TRRAP: variants seen among roughly 807,000 people sequenced by gnomAD.
TRRAP encodes the protein transformation/transcription domain associated protein.
In TRRAP, 41 loss-of-function variants were observed where a neutral mutation model predicts 438.8. The ratio of observed to expected loss-of-function variants is 0.09; its 90% CI spans 0.07 to 0.12. The LOEUF is 0.12. TRRAP is among the 10% of genes least tolerant of loss of function. The pLI, the probability that TRRAP is intolerant of heterozygous loss-of-function variation, is 1.00. For synonymous variants in TRRAP, 1,994 were observed against 1,962.9 expected (o/e 1.02, Z -0.42); for missense variants, 3,122 against 5,055.1 (o/e 0.62, Z 11.60).
chr7:98,917,403 A>AGCT lies in TRRAP; in HGVS notation c.2366-17_2366-15dup, dbSNP rs1554409685. ...CTGGGGAGCGTCTTCCCTCTCTGAT[A>AGCT]GCTGCACCCCCTTCCCTAGGGCTGA... On this transcript the variant is annotated intron_variant, in intron 19 of 72. Transcript: ENST00000456197. 1.9e-6 allele frequency: 3 copies of AGCT among 1,608,930 alleles called. No homozygotes were observed. The highest frequency in any genetic ancestry group is 3.3e-5 in the Admixed American group (2 of 59,856).
intron 27 of TRRAP, among the ~76,000 whole-genome samples, chr7:98,934,106 G>C (rs1790448129): frequency 6.6e-6 from 1 of 152,168 alleles, no homozygotes; most frequent in Non-Finnish European, 1.5e-5. Flanking sequence ...CCAGTGTGGG[G>C]TGCTATTAGT....
chr7:98,910,217 T>TCCCCCCCCCCCCCCCCCCCCCCCCCCC lies in TRRAP; in HGVS notation c.1512_1513insCCCCCCCCCCCCCCCCCCCCCCCCCCC (p.Pro504_Ala505insProProProProProProProProPro). ...CTGCTCCCTCCCCAGCCCCTGTCCCTGCCCCACCTCCACCCCCGCCCCCAC... is the reference window on the plus strand; with the variant it reads ...CTGCTCCCTCCCCAGCCCCTGTCCCTCCCCCCCCCCCCCCCCCCCCCCCCCCCGCCCCACCTCCACCCCCGCCCCCAC... On this transcript the variant is annotated inframe_insertion, in exon 15 of 73. Transcript: ENST00000456197. The TCCCCCCCCCCCCCCCCCCCCCCCCCCC allele has an allele frequency of 9.6e-7, 1 of 1,045,586 alleles. No individual in the cohort carries two copies. Among genetic ancestry groups the TCCCCCCCCCCCCCCCCCCCCCCCCCCC allele is most frequent in the Non-Finnish European group, 1.2e-6 (1 of 806,028 alleles). 64.8% of individuals were successfully genotyped at this position (1,045,586 alleles called of 1,614,324 possible). A position where few individuals can be genotyped will look rare whatever the true frequency, so the allele number is the denominator to read the frequency against.
intron 60 of TRRAP, 104 bp from the exon 61 acceptor site, chr7:98,983,989 C>A: frequency 7.2e-7 from 1 of 1,392,318 alleles, no homozygotes; most frequent in Non-Finnish European, 9.5e-7. Context: ...TGCCCATTTT[C>A]ATAAGCCATG....
rs12669231 is a variant in TRRAP, at chr7:98,905,644, G to A, written c.1037-533G>A. ...AGGAATAGAGCAAGAGAGGAACCCC[G>A]GTGGGGATTCTGATGAGCATCATCC... On this transcript the variant is annotated intron_variant, in intron 12 of 72. Transcript: ENST00000456197. 1.5e-4 allele frequency among the ~76,000 whole-genome samples: 23 copies of A among 152,348 alleles called. No individual in the cohort carries two copies. In the East Asian group the frequency reaches 1.5e-3, roughly 10 times the overall value.
rs57974063 is a variant in TRRAP, at chr7:98,989,157, A to G, written c.9591+191A>G. The stretch of plus-strand genomic sequence containing the variant: ...AAGCTGAGAAAACTGAGGCCTGGAC[A>G]CTCTTAGGGCCCCAGAACTTCCAAG... On this transcript the variant is annotated intron_variant, in intron 63 of 72. Coordinates refer to ENST00000456197, the MANE Select transcript of TRRAP (RefSeq NM_001375524.1). 3.1e-3 allele frequency among the ~76,000 whole-genome samples: 470 copies of G among 152,250 alleles called. 2 individuals are homozygous for G. Among genetic ancestry groups the G allele is most frequent in the African/African-American group, 0.011 (460 of 41,538 alleles).
chr7:98,994,658 C>T lies in TRRAP; in HGVS notation c.10119C>T (p.Ser3373=), dbSNP rs1355547491. ...SVAFEKSGAV[S]DAKITPHTLN... is the part of the protein sequence containing the mutation. ...CGTTTGAGAAAAGTGGAGCGGTGTC[C>T]GATGCTAAAATCACCCCCCACACTC... The change falls in exon 67 of 73, where the codon TCC becomes TCT. Residue 3373 remains serine, a synonymous_variant. Coordinates refer to ENST00000456197, the MANE Select transcript of TRRAP (RefSeq NM_001375524.1). This position sits in a 1 kb window ranked among gnomAD's most constrained non-coding sequence, Gnocchi z 4.8. The T allele has an allele frequency of 1.5e-5, 25 of 1,614,050 alleles. No homozygotes were observed. The highest frequency in any genetic ancestry group is 6.7e-5 in the African/African-American group (5 of 74,906).
Position 98,886,608 on chromosome 7 carries a change from A to G in TRRAP, c.151-3727A>G, listed in dbSNP as rs528869828. Among the ~76,000 whole-genome samples, 4 of 152,336 alleles carry G rather than the reference A, an allele frequency of 2.6e-5. No homozygotes were observed. In the East Asian group the frequency reaches 7.7e-4, roughly 29 times the overall value. On this transcript the variant is annotated intron_variant, in intron 3 of 72. Coordinates refer to ENST00000456197, the MANE Select transcript of TRRAP (RefSeq NM_001375524.1). ...ATCTGTGTATCAACATTTACCTTAA[A>G]TGAAATTCAGATGACTGAATTCTTC...
chr7:98,932,436 ATTTCT>A (rs1172429615), intron 26 of TRRAP, among the ~76,000 whole-genome samples: 1 of 152,020 alleles, frequency 6.6e-6, no homozygotes, highest in East Asian at 1.9e-4. Flanking sequence ...TTTTAAAATT[ATTTCT>A]TTTCTTTAAG....
chr7:98,986,154 T>C lies in TRRAP; in HGVS notation c.9389+1110T>C, dbSNP rs1336879238. ...TTTTTCATGGCTGAATAATATTCCA[T>C]TGGATATCCATACATTTTGTTTATC... On this transcript the variant is annotated intron_variant, in intron 62 of 72. Coordinates refer to ENST00000456197, the MANE Select transcript of TRRAP (RefSeq NM_001375524.1). Among the ~76,000 whole-genome samples the C allele has an allele frequency of 2.0e-5, 3 of 149,834 alleles. No homozygotes were observed. In the East Asian group the frequency reaches 5.8e-4, roughly 29 times the overall value.
At chr7:98,982,083 T>A in intron 59 of TRRAP, 123 bp downstream of exon 59, 4 of 1,007,138 alleles carry the variant, frequency 4.0e-6, no homozygotes, top group Non-Finnish European at 5.4e-6. Context: ...GCTTGTCTTG[T>A]CCTCTCCCAC....
In TRRAP at chr7:98,921,889, A is replaced by G. The variant is rs1789812683; in HGVS notation, c.2759A>G (p.Gln920Arg). The change falls in exon 21 of 73, where the codon CAG (glutamine) becomes CGG (arginine). Residue 920 changes from glutamine (Q) to arginine (R), a missense_variant. Around this residue, in one of 24 missense-constraint regions of TRRAP, gnomAD observed 133 missense variants for 188.6 expected, o/e 0.71. Coordinates refer to ENST00000456197, the MANE Select transcript of TRRAP (RefSeq NM_001375524.1). ...QKLHYVVTEV[Q>R]GPSITVEFSD... ...CTGCACTACGTTGTGACCGAGGTTC[A>G]GGGCCCCAGCATCACTGTGGAGTTT... 1 of 1,614,262 alleles carries G rather than the reference A, an allele frequency of 6.2e-7. No homozygotes were observed. Among genetic ancestry groups the G allele is most frequent in the Non-Finnish European group, 8.5e-7 (1 of 1,180,050 alleles).
intron 7 of TRRAP, 60 bp from the exon 8 acceptor site, chr7:98,897,673 TTTGTTTTG>T (rs1796277361): frequency 2.1e-6 from 3 of 1,442,322 alleles, no homozygotes; most frequent in Non-Finnish European, 2.8e-6. Flanking sequence ...TTTGTTTTGT[TTTGTTTTG>T]TTTTTGAATG....
At chr7:98,984,070 T>C in intron 60 of TRRAP, 23 bp from the exon 61 acceptor site, 1 of 1,561,692 alleles carries the variant, frequency 6.4e-7, no homozygotes. Flanking sequence ...TGTGGGCTAA[T>C]GATTCCTTTC....
intron 12 of TRRAP, among the ~76,000 whole-genome samples, chr7:98,905,774 A>G (rs1554407430): frequency 6.6e-6 from 1 of 152,216 alleles, no homozygotes; most frequent in Non-Finnish European, 1.5e-5. Context: ...TCTTCTCAAT[A>G]TGCTTCAGGG....
Position 99,005,334 on chromosome 7 carries a change from A to C in TRRAP, c.10739A>C (p.His3580Pro), listed in dbSNP as rs775630238. The change falls in exon 69 of 73, where the codon CAC becomes CCC. Residue 3580 changes from histidine (H) to proline (P), a missense_variant. Coordinates refer to ENST00000456197, the MANE Select transcript of TRRAP (RefSeq NM_001375524.1). The surrounding 1 kb of genome is among the most constrained non-coding windows in gnomAD (Gnocchi z 5.1). ...AAGAGAAAGGAGACCACCAAGAGGC[A>C]CTTGTTTTTCACAGGTAGGGTTGAG... Reference protein sequence around the residue: ...LEKRKETTKRHLFFTVPRVVA... With the variant: ...LEKRKETTKRPLFFTVPRVVA... 6.2e-7 allele frequency: 1 copy of C among 1,614,016 alleles called. No homozygotes were observed. The highest frequency in any genetic ancestry group is 8.5e-7 in the Non-Finnish European group (1 of 1,180,038).
chr7:98,916,041 C>CCCCTGG (rs1393974693), intron 19 of TRRAP, among the ~76,000 whole-genome samples, 153 bp downstream of exon 19: 4 of 151,740 alleles, frequency 2.6e-5, no homozygotes, highest in African/African-American at 9.7e-5. Context: ...CTGCCCCCCT[C>CCCCTGG]CCCTGGCCCT....
chr7:99,005,582 G>A lies in TRRAP; in HGVS notation c.10753+234G>A, dbSNP rs997743646. On this transcript the variant is annotated intron_variant, in intron 69 of 72. Coordinates refer to ENST00000456197, the MANE Select transcript of TRRAP (RefSeq NM_001375524.1). This position sits in a 1 kb window ranked among gnomAD's most constrained non-coding sequence, Gnocchi z 5.1. ...GCTGTGTCCACCTTTCCTCTAAGGC[G>A]AGCTTGTCCAACCTGCGGGCTCCAT... is the stretch of plus-strand genomic sequence containing the variant. Among the ~76,000 whole-genome samples, 7 of 152,332 alleles carry A rather than the reference G, an allele frequency of 4.6e-5. No individual in the cohort carries two copies. The highest frequency in any genetic ancestry group is 1.9e-4 in the East Asian group (1 of 5,186).
chr7:98,929,706 G>A (rs1562946503), intron 23 of TRRAP, among the ~76,000 whole-genome samples: 1 of 151,710 alleles, frequency 6.6e-6, no homozygotes, highest in Admixed American at 6.6e-5. Context: ...TGATTCTCCC[G>A]CCTCAGCCTC....
Position 99,012,047 on chromosome 7 carries a change from C to T in TRRAP, c.11338-24C>T, listed in dbSNP as rs377726491. The T allele has an allele frequency of 3.9e-5, 62 of 1,606,574 alleles. No individual in the cohort carries two copies. The African/African-American group carries it at 6.5e-4, about 17-fold the overall frequency. Reference sequence around the variant, plus strand: ...GGGCTGTTCTTGGTTAAACACAAGTCGTCTCGTTCTCTCCCTCACGCAGGT... The same window carrying T: ...GGGCTGTTCTTGGTTAAACACAAGTTGTCTCGTTCTCTCCCTCACGCAGGT... On this transcript the variant is annotated intron_variant, in intron 72 of 72. Transcript: ENST00000456197. This position sits in a 1 kb window ranked among gnomAD's most constrained non-coding sequence, Gnocchi z 5.9.
Sources: gnomAD v4.1 joint callset for allele counts (sites outside exome capture counted in the v4.1 genomes callset) on GRCh38, gnomAD v4.1.1 for gene constraint, gnomAD v4.1.1 regional missense constraint, Gnocchi (gnomAD v3.1) non-coding constraint, MANE v1.5 for transcripts, NCBI Gene and HGNC (gene_info 2026-07-23, HGNC 2026-07-21) for gene names.